Variants in PTPRM observed in about 807,000 individuals in gnomAD.
PTPRM encodes the protein protein tyrosine phosphatase receptor type M, also known as receptor-type tyrosine-protein phosphatase mu.
Under a neutral mutation model 186.7 loss-of-function variants are expected in PTPRM, and 47 were observed. The ratio of observed to expected loss-of-function variants is 0.25; its 90% CI spans 0.20 to 0.32. The LOEUF (loss-of-function observed/expected upper bound fraction) is 0.32, where lower values mean the gene tolerates loss of function less well. Among genes scored for constraint, PTPRM ranks in the 10% least tolerant of loss-of-function variants. The pLI, the probability that PTPRM is intolerant of heterozygous loss-of-function variation, is 1.00. For missense variants in PTPRM, 1,494 were observed against 1,865.0 expected, an observed-to-expected ratio of 0.80 and a Z score of 3.66; for synonymous variants, 668 against 674.9, an observed-to-expected ratio of 0.99 and a Z score of 0.16.
At chr18:7,579,410 A>C (rs2036785132) in intron 1 of PTPRM, among the ~76,000 whole-genome samples, 1 of 152,256 alleles carries the variant, frequency 6.6e-6, no homozygotes, top group African/African-American at 2.4e-5. Flanking sequence ...TATCACATCT[A>C]CTATGAGGAG....
At chr18:8,405,401 A>T (rs2095899715) in intron 32 of PTPRM, among the ~76,000 whole-genome samples, 1 of 152,122 alleles carries the variant, frequency 6.6e-6, no homozygotes, top group Non-Finnish European at 1.5e-5. Context: ...AGAAGCCAGG[A>T]CCGTCCAGGG....
At chr18:8,218,977 G>A (rs968292202) in intron 14 of PTPRM, among the ~76,000 whole-genome samples, 2 of 152,156 alleles carry the variant, frequency 1.3e-5, no homozygotes, top group African/African-American at 4.8e-5. Context: ...AGTGTGGAGG[G>A]AAACTGATGG....
chr18:7,964,237 C>T (rs778319133), intron 7 of PTPRM, among the ~76,000 whole-genome samples: 1 of 152,158 alleles, frequency 6.6e-6, no homozygotes, highest in Non-Finnish European at 1.5e-5. Flanking sequence ...TAATTGACTG[C>T]TTTAAATTAT....
Position 7,568,906 on chromosome 18 carries a change from C to T in PTPRM, c.73+1015C>T, listed in dbSNP as rs1166200852. On this transcript the variant is annotated intron_variant, in intron 1 of 32. Coordinates refer to ENST00000580170, the MANE Select transcript of PTPRM (RefSeq NM_001105244.2). The surrounding 1 kb of genome is among the most constrained non-coding windows in gnomAD (Gnocchi z 5.1). ...CAGGTGGATAGACGGCAAATGCTGGCCCATTTGCACACCTTCTTTCTAGTG... is the reference window on the plus strand; with the variant it reads ...CAGGTGGATAGACGGCAAATGCTGGTCCATTTGCACACCTTCTTTCTAGTG... 6.6e-6 allele frequency among the ~76,000 whole-genome samples: 1 copy of T among 152,116 alleles called. No homozygotes were observed. Among genetic ancestry groups the T allele is most frequent in the Non-Finnish European group, 1.5e-5 (1 of 68,020 alleles).
At chr18:7,922,146 A>AAC (rs2050903345) in intron 4 of PTPRM, among the ~76,000 whole-genome samples, 1 of 152,204 alleles carries the variant, frequency 6.6e-6, no homozygotes, top group Non-Finnish European at 1.5e-5. Flanking sequence ...ATGGTAAACA[A>AAC]TGAGAGTGCT....
chr18:7,618,766 A>G (rs1187572723), intron 1 of PTPRM, among the ~76,000 whole-genome samples: 1 of 152,206 alleles, frequency 6.6e-6, no homozygotes, highest in Non-Finnish European at 1.5e-5. Flanking sequence ...CCAGCACCAT[A>G]ACGCTTGTTA....
In PTPRM at chr18:8,069,809, A is replaced by T; in HGVS notation, c.1256A>T (p.Tyr419Phe). The change falls in exon 8 of 33, where the codon TAC becomes TTC. Residue 419 changes from tyrosine (Y) to phenylalanine (F), a missense_variant. This residue lies in a region of PTPRM where 1,107 missense variants were observed against 1,350.2 expected (regional missense o/e 0.82). Transcript: ENST00000580170. The part of the protein sequence containing the change: ...RCHSYNLTVH[Y>F]CYQVGGQEQV... ...CACAGTTATAATCTCACTGTCCACTACTGTTACCAAGTTGGAGGACAAGAA... is the reference window on the plus strand; with the variant it reads ...CACAGTTATAATCTCACTGTCCACTTCTGTTACCAAGTTGGAGGACAAGAA... 6.2e-7 allele frequency: 1 copy of T among 1,614,122 alleles called. No homozygotes were observed. Among genetic ancestry groups the T allele is most frequent in the Non-Finnish European group, 8.5e-7 (1 of 1,179,976 alleles).
At chr18:8,299,061 T>C (rs16953205) in intron 20 of PTPRM, among the ~76,000 whole-genome samples, 4,651 of 152,048 alleles carry the variant, frequency 0.031, 105 homozygotes, top group South Asian at 0.066. Flanking sequence ...TTGTTTCCTT[T>C]CTATAAAACG....
At chr18:8,219,136 T>C (rs149949910) in intron 14 of PTPRM, among the ~76,000 whole-genome samples, 163 of 152,338 alleles carry the variant, frequency 1.1e-3, no homozygotes, top group African/African-American at 3.8e-3. Flanking sequence ...GAACCAGTGC[T>C]CTGTTAATGG....
intron 11 of PTPRM, among the ~76,000 whole-genome samples, chr18:8,093,751 T>G (rs1038902706): frequency 1.3e-5 from 2 of 152,188 alleles, no homozygotes; most frequent in African/African-American, 2.4e-5. Context: ...CTGAATAAAC[T>G]TAGCCATAAA....
At chr18:8,135,843 C>T (rs1004677437) in intron 13 of PTPRM, among the ~76,000 whole-genome samples, 78 of 152,128 alleles carry the variant, frequency 5.1e-4, no homozygotes, top group Middle Eastern at 3.2e-3. Context: ...TTTTGAGCCT[C>T]AGAAATACTG....
chr18:8,380,274 G>A, intron 28 of PTPRM, 22 bp from the exon 29 acceptor site: 1 of 1,610,278 alleles, frequency 6.2e-7, no homozygotes, highest in South Asian at 1.1e-5. Context: ...TATATTTGGA[G>A]CATTCTTGTT....
intron 19 of PTPRM, among the ~76,000 whole-genome samples, chr18:8,277,183 CAT>C (rs2094846583): frequency 6.6e-6 from 1 of 152,152 alleles, no homozygotes; most frequent in Non-Finnish European, 1.5e-5. Context: ...GTGAGCCACC[CAT>C]CTTGGCCTCC....
intron 13 of PTPRM, among the ~76,000 whole-genome samples, chr18:8,116,261 C>G (rs2091953037): frequency 6.6e-6 from 1 of 152,196 alleles, no homozygotes; most frequent in Non-Finnish European, 1.5e-5. Context: ...AAAAGTAAAT[C>G]CTGTTCCAGG....
chr18:7,570,371 T>C (rs1030658619), intron 1 of PTPRM, among the ~76,000 whole-genome samples: 1 of 152,212 alleles, frequency 6.6e-6, no homozygotes, highest in Admixed American at 6.5e-5. Flanking sequence ...GACATGGGAA[T>C]AAATTTTAGA....
At chr18:7,605,554 G>A (rs559906834) in intron 1 of PTPRM, among the ~76,000 whole-genome samples, 16 of 152,222 alleles carry the variant, frequency 1.1e-4, no homozygotes, top group African/African-American at 3.6e-4. Context: ...AAATGAGCTC[G>A]TCTTTTTAAG....
At chr18:7,635,043 A>T (rs1216871339) in intron 1 of PTPRM, among the ~76,000 whole-genome samples, 1 of 152,146 alleles carries the variant, frequency 6.6e-6, no homozygotes, top group Non-Finnish European at 1.5e-5. Flanking sequence ...AGAAGCTCAT[A>T]GGGTATGTTT....
At chr18:7,691,456 T>A (rs2039730657) in intron 1 of PTPRM, among the ~76,000 whole-genome samples, 1 of 151,720 alleles carries the variant, frequency 6.6e-6, no homozygotes, top group South Asian at 2.1e-4. Flanking sequence ...GTGGGAGGAG[T>A]GGAGTATGAA....
At chr18:7,674,276 A>G (rs964836998) in intron 1 of PTPRM, among the ~76,000 whole-genome samples, 3 of 152,094 alleles carry the variant, frequency 2.0e-5, no homozygotes, top group African/African-American at 7.2e-5. Flanking sequence ...TCTAAAAGGG[A>G]GCTGAATTTG....
Sources: allele counts gnomAD v4.1 joint callset (sites outside exome capture counted in the v4.1 genomes callset), GRCh38; gene constraint gnomAD v4.1.1; regional missense constraint gnomAD v4.1.1; non-coding constraint Gnocchi (gnomAD v3.1); transcripts MANE v1.5; gene names NCBI Gene and HGNC (gene_info 2026-07-23, HGNC 2026-07-21).